PLPPR5: variants seen among roughly 807,000 people sequenced by gnomAD.
PLPPR5 encodes phospholipid phosphatase-related protein type 5.
A neutral mutation model predicts 33.9 loss-of-function variants in PLPPR5; 16 were observed. That is an observed-to-expected ratio of 0.47 (90% CI 0.32 to 0.72). The LOEUF (loss-of-function observed/expected upper bound fraction) is 0.72. Ranked by LOEUF, PLPPR5 falls within the 30% of genes least tolerant of loss-of-function variation. The pLI, the probability that PLPPR5 is intolerant of heterozygous loss-of-function variation, is 0.03. For synonymous variants in PLPPR5, 163 were observed against 150.3 expected, an observed-to-expected ratio of 1.08 and a Z score of -0.62; for missense variants, 301 against 406.7, an observed-to-expected ratio of 0.74 and a Z score of 2.23.
intron 4 of PLPPR5, among the ~76,000 whole-genome samples, chr1:98,920,091 A>C (rs1475718483): frequency 6.6e-6 from 1 of 152,130 alleles, no homozygotes; most frequent in Non-Finnish European, 1.5e-5. Context: ...AAACGTTCTC[A>C]ACCTGTGCAA....
intron 5 of PLPPR5, among the ~76,000 whole-genome samples, chr1:98,901,311 A>G (rs1342999138): frequency 6.6e-6 from 1 of 152,188 alleles, no homozygotes. Context: ...AGGGATGACT[A>G]CAAAGGGGAA....
chr1:98,908,295 T>C (rs573550210), intron 5 of PLPPR5, among the ~76,000 whole-genome samples: 206 of 152,300 alleles, frequency 1.4e-3, no homozygotes, highest in African/African-American at 4.5e-3. Flanking sequence ...GATTTATTTA[T>C]ACCATATCTA....
chr1:98,983,088 ATT>A (rs57436557), intron 1 of PLPPR5, among the ~76,000 whole-genome samples: 11,177 of 151,180 alleles, frequency 0.074, 535 homozygotes, highest in Middle Eastern at 0.099. Flanking sequence ...CATAAACTCC[ATT>A]TTTTTTTTTA....
At chr1:98,901,643 T>C (rs1648697668) in intron 5 of PLPPR5, among the ~76,000 whole-genome samples, 1 of 151,180 alleles carries the variant, frequency 6.6e-6, no homozygotes, top group South Asian at 2.1e-4. Flanking sequence ...AATGAGAACT[T>C]TATTTATTTT....
intron 3 of PLPPR5, among the ~76,000 whole-genome samples, chr1:98,931,783 G>A (rs1649976153): frequency 6.6e-6 from 1 of 152,126 alleles, no homozygotes; most frequent in South Asian, 2.1e-4. Context: ...TGTGCCAAGT[G>A]AAGGATTCGT....
chr1:98,897,735 T>A (rs912867744), intron 5 of PLPPR5, among the ~76,000 whole-genome samples: 1 of 152,140 alleles, frequency 6.6e-6, no homozygotes, highest in Non-Finnish European at 1.5e-5. Context: ...AGTGTTTAAA[T>A]GTGGTCTCCA....
chr1:98,998,654 T>C (rs1652715658), intron 1 of PLPPR5, among the ~76,000 whole-genome samples: 1 of 152,092 alleles, frequency 6.6e-6, no homozygotes, highest in African/African-American at 2.4e-5. Context: ...TAAAAGTATA[T>C]AACAAAAAAT....
chr1:98,999,553 C>T (rs1195702463), intron 1 of PLPPR5, among the ~76,000 whole-genome samples: 1 of 152,184 alleles, frequency 6.6e-6, no homozygotes. Context: ...TGGGAGAAAC[C>T]AGGATAAGAA....
chr1:98,926,206 T>C (rs1396986070), intron 3 of PLPPR5, among the ~76,000 whole-genome samples: 1 of 152,144 alleles, frequency 6.6e-6, no homozygotes, highest in Admixed American at 6.5e-5. Flanking sequence ...CTCTGCACAC[T>C]CTAGTGCTTT....
chr1:98,901,518 A>G (rs1648693403), intron 5 of PLPPR5, among the ~76,000 whole-genome samples: 1 of 152,166 alleles, frequency 6.6e-6, no homozygotes. Flanking sequence ...AGGCCAAGAC[A>G]TGTCTAAAAT....
chr1:98,981,940 A>G (rs1310862385), intron 1 of PLPPR5, among the ~76,000 whole-genome samples: 1 of 152,118 alleles, frequency 6.6e-6, no homozygotes, highest in East Asian at 1.9e-4. Context: ...CCCAAGCAGC[A>G]CCGAATCTTC....
Position 99,004,662 on chromosome 1 carries a change from G to A in PLPPR5, c.10C>T (p.Leu4=), listed in dbSNP as rs753997899. The A allele has an allele frequency of 1.2e-6, 2 of 1,610,110 alleles. No individual in the cohort carries two copies. Among genetic ancestry groups the A allele is most frequent in the Non-Finnish European group, 8.5e-7 (1 of 1,178,656 alleles). ...ATGCTGCTGGTGAGCGCCGCGGGCAGCAGGGGCATGCACGCCTCCCGGGCC... is the reference window on the plus strand; with the variant it reads ...ATGCTGCTGGTGAGCGCCGCGGGCAACAGGGGCATGCACGCCTCCCGGGCC... MPL[L]PAALTSSMLY... is the part of the protein sequence containing the mutation. The change falls in exon 1 of 6, where the codon CTG becomes TTG. Residue 4 remains leucine (L), a synonymous_variant. Transcript: ENST00000263177.
chr1:99,002,968 T>TC (rs1652913359), intron 1 of PLPPR5, among the ~76,000 whole-genome samples: 1 of 149,054 alleles, frequency 6.7e-6, no homozygotes, highest in Non-Finnish European at 1.5e-5. Context: ...TTTTTTTTTT[T>TC]CTCTGCCAGC....
At chr1:98,980,254 A>C (rs1243490311) in intron 1 of PLPPR5, among the ~76,000 whole-genome samples, 1 of 152,070 alleles carries the variant, frequency 6.6e-6, no homozygotes, top group African/African-American at 2.4e-5. Context: ...TGTTCTTGCC[A>C]TGCCATTAAC....
At chr1:98,930,876 G>A (rs1649941682) in intron 3 of PLPPR5, among the ~76,000 whole-genome samples, 1 of 151,970 alleles carries the variant, frequency 6.6e-6, no homozygotes, top group Admixed American at 6.6e-5. Context: ...CATTCCCACT[G>A]AGTCCCCACC....
At chr1:98,930,208 T>C (rs1289556702) in intron 3 of PLPPR5, among the ~76,000 whole-genome samples, 2 of 152,098 alleles carry the variant, frequency 1.3e-5, no homozygotes, top group African/African-American at 2.4e-5. Flanking sequence ...AATACATAAA[T>C]AAAAAATTTA....
chr1:98,901,734 AGCCT>A lies in PLPPR5; in HGVS notation c.934-8634_934-8631del, dbSNP rs1260909865. The stretch of plus-strand genomic sequence containing the variant: ...ACATACAGATATGAATTCAACCAAA[AGCCT>A]TAAAAGTGTTCATGCTCTGTTTCTG... On this transcript the variant is annotated intron_variant, in intron 5 of 5. Transcript: ENST00000263177. Among the ~76,000 whole-genome samples the A allele has an allele frequency of 6.6e-5, 10 of 152,238 alleles. No individual in the cohort carries two copies. The South Asian group carries it at 2.1e-3, about 32-fold the overall frequency.
At chr1:98,997,103 T>C (rs957582770) in intron 1 of PLPPR5, among the ~76,000 whole-genome samples, 16 of 152,214 alleles carry the variant, frequency 1.1e-4, no homozygotes, top group Admixed American at 7.9e-4. Flanking sequence ...GTACACATAA[T>C]GTCATTTGCT....
At chr1:98,943,513 A>C (rs1650453197) in intron 3 of PLPPR5, among the ~76,000 whole-genome samples, 1 of 152,224 alleles carries the variant, frequency 6.6e-6, no homozygotes, top group Admixed American at 6.5e-5. Flanking sequence ...AAATAAGTCC[A>C]GGCCAAAGTC....
Sources: allele counts gnomAD v4.1 joint callset (sites outside exome capture counted in the v4.1 genomes callset), GRCh38; gene constraint gnomAD v4.1.1; transcripts MANE v1.5; gene names NCBI Gene and HGNC (gene_info 2026-07-23, HGNC 2026-07-21).